The following CLDN20 variants were observed in gnomAD, a reference collection of about 807,000 sequenced individuals.
CLDN20 encodes the protein claudin-20.
For synonymous variants in CLDN20, 104 were observed against 103.6 expected (o/e 1.00, Z -0.03); for missense variants, 258 against 267.9 (o/e 0.96, Z 0.26).
At chr6:155,275,405 T>C (rs1230108450) in intron 1 of CLDN20, among the ~76,000 whole-genome samples, 1 of 152,162 alleles carries the variant, frequency 6.6e-6, no homozygotes, top group Non-Finnish European at 1.5e-5. Context: ...CTGCTTTCTT[T>C]ATGCCCTGTA....
chr6:155,270,169 G>A (rs773129930), intron 1 of CLDN20, among the ~76,000 whole-genome samples: 3 of 152,214 alleles, frequency 2.0e-5, no homozygotes, highest in Admixed American at 2.0e-4. Flanking sequence ...TGCCACTAAT[G>A]AACCTGGGAA....
chr6:155,265,035 A>G (rs1784562254), intron 1 of CLDN20, among the ~76,000 whole-genome samples: 1 of 152,232 alleles, frequency 6.6e-6, no homozygotes, highest in African/African-American at 2.4e-5. Flanking sequence ...GAGGGAAAAG[A>G]CCTTCCTAAA....
At position 155,276,357 on chromosome 6, in the gene CLDN20, A is replaced by G; in HGVS notation, c.638A>G (p.His213Arg). ...SNTQLENNST[H>R]NLKDYV ...ACACAGCTCGAGAACAATTCCACAC[A>G]CAATCTGAAGGATTATGTGTAAATA... Residue 213 changes from histidine to arginine, a missense_variant, in exon 2 of 2, where the codon CAC (histidine) becomes CGC (arginine). His to Arg is a conservative substitution (Grantham distance 29, BLOSUM62 0). Coordinates refer to ENST00000367165, the MANE Select transcript of CLDN20 (RefSeq NM_001001346.3). 6.2e-7 allele frequency: 1 copy of G among 1,613,166 alleles called. No individual in the cohort carries two copies.
chr6:155,268,955 A>G (rs1007356643), intron 1 of CLDN20, among the ~76,000 whole-genome samples: 4 of 136,062 alleles, frequency 2.9e-5, no homozygotes, highest in African/African-American at 1.1e-4. Flanking sequence ...TTAAAAAAAA[A>G]AAAAAGAAAA....
In CLDN20 at chr6:155,265,746, A is replaced by C. The variant is rs181371523; in HGVS notation, c.-105+1458A>C. 1.8e-3 allele frequency among the ~76,000 whole-genome samples: 265 copies of C among 145,844 alleles called. 2 individuals are homozygous for C. The highest frequency in any genetic ancestry group is 6.5e-3 in the African/African-American group (259 of 40,002). ...ATAATATAAATATATATTATATATA[A>C]TATATAATATATATTTAATATATAA... On this transcript the variant is annotated intron_variant, in intron 1 of 1. Coordinates refer to ENST00000367165, the MANE Select transcript of CLDN20 (RefSeq NM_001001346.3).
intron 1 of CLDN20, among the ~76,000 whole-genome samples, chr6:155,272,110 T>TG (rs1784945796): frequency 6.6e-6 from 1 of 152,176 alleles, no homozygotes; most frequent in Non-Finnish European, 1.5e-5. Flanking sequence ...GCCTCACGTA[T>TG]ATGGTTTTTC....
At chr6:155,268,506 CAGTT>C (rs1784765429) in intron 1 of CLDN20, among the ~76,000 whole-genome samples, 1 of 152,178 alleles carries the variant, frequency 6.6e-6, no homozygotes, top group Admixed American at 6.5e-5. Context: ...CCAAAATACT[CAGTT>C]AAATTACTGA....
chr6:155,275,931 T>G lies in CLDN20; in HGVS notation c.212T>G (p.Leu71Arg). Residue 71 changes from leucine (L) to arginine (R), a missense_variant, in exon 2 of 2, where the codon CTG becomes CGG. Coordinates refer to ENST00000367165, the MANE Select transcript of CLDN20 (RefSeq NM_001001346.3). Reference sequence around the variant, plus strand: ...AGCTGTGCCCTGAAACACTCCATTCTGTCCCTCCCCATCCACGTGCAGGCT... The same window carrying G: ...AGCTGTGCCCTGAAACACTCCATTCGGTCCCTCCCCATCCACGTGCAGGCT... ...MFSCALKHSI[L>R]SLPIHVQAAR... is the part of the protein sequence containing the mutation. 8 of 1,614,178 alleles carry G rather than the reference T, an allele frequency of 5.0e-6. No homozygotes were observed. The highest frequency in any genetic ancestry group is 6.8e-6 in the Non-Finnish European group (8 of 1,180,026).
At chr6:155,270,549 A>C (rs983706499) in intron 1 of CLDN20, among the ~76,000 whole-genome samples, 1 of 152,202 alleles carries the variant, frequency 6.6e-6, no homozygotes, top group African/African-American at 2.4e-5. Flanking sequence ...CAGGCAATTA[A>C]TATTTTATAG....
Position 155,275,827 on chromosome 6 carries a change from G to A in CLDN20, c.108G>A (p.Val36=). 6.2e-7 allele frequency: 1 copy of A among 1,613,980 alleles called. No individual in the cohort carries two copies. Among genetic ancestry groups the A allele is most frequent in the Non-Finnish European group, 8.5e-7 (1 of 1,179,910 alleles). The part of the protein sequence containing the change: ...LLPNWKVNVD[V]DSNIITAIVQ... ...CCAACTGGAAGGTGAATGTGGATGT[G>A]GACTCCAACATCATAACAGCCATTG... is the stretch of plus-strand genomic sequence containing the variant. Residue 36 remains valine (V), a synonymous_variant, in exon 2 of 2, where the codon GTG becomes GTA. Transcript: ENST00000367165.
intron 1 of CLDN20, among the ~76,000 whole-genome samples, chr6:155,275,119 G>A (rs1785116875): frequency 6.6e-6 from 1 of 151,920 alleles, no homozygotes; most frequent in Non-Finnish European, 1.5e-5. Flanking sequence ...CCAGCTACTC[G>A]GGAGGCTGAG....
At position 155,276,113 on chromosome 6, in the gene CLDN20, A is replaced by G. The variant is rs759011604; in HGVS notation, c.394A>G (p.Ser132Gly). The G allele has an allele frequency of 5.6e-6, 9 of 1,614,094 alleles. No individual in the cohort carries two copies. The South Asian group carries it at 9.9e-5, about 18-fold the overall frequency. The change falls in exon 2 of 2, where the codon AGT becomes GGT. Residue 132 changes from serine to glycine, a missense_variant. Transcript: ENST00000367165. ...CTGTTTCATGTCTGCAGGAATCTCT[A>G]GTTTAATCTCGACAGTGTGGTACAC... ...GVCFMSAGISSLISTVWYTKE... is the reference protein window; with the variant it reads ...GVCFMSAGISGLISTVWYTKE...
chr6:155,269,681 A>G (rs1337337409), intron 1 of CLDN20, among the ~76,000 whole-genome samples: 2 of 152,204 alleles, frequency 1.3e-5, no homozygotes, highest in Non-Finnish European at 2.9e-5. Flanking sequence ...ATTAAGTATT[A>G]TAGCACCTTA....
At chr6:155,273,900 A>G (rs1467580037) in intron 1 of CLDN20, among the ~76,000 whole-genome samples, 3 of 152,240 alleles carry the variant, frequency 2.0e-5, no homozygotes, top group Non-Finnish European at 4.4e-5. Flanking sequence ...AGGAAGGAAG[A>G]GAAAAAGGGA....
chr6:155,272,472 C>T (rs1784969907), intron 1 of CLDN20, among the ~76,000 whole-genome samples: 1 of 151,878 alleles, frequency 6.6e-6, no homozygotes, highest in African/African-American at 2.4e-5. Context: ...TAAGTGTTTA[C>T]ATGCGACCCC....
At position 155,275,973 on chromosome 6, in the gene CLDN20, T is replaced by A. The variant is rs1214413050; in HGVS notation, c.254T>A (p.Val85Asp). 3 of 1,614,164 alleles carry A rather than the reference T, an allele frequency of 1.9e-6. No homozygotes were observed. The highest frequency in any genetic ancestry group is 2.7e-5 in the African/African-American group (2 of 75,026). Residue 85 changes from valine to aspartate, a missense_variant, in exon 2 of 2, where the codon GTC (valine) becomes GAC (aspartate). Coordinates refer to ENST00000367165, the MANE Select transcript of CLDN20 (RefSeq NM_001001346.3). ...IHVQAARATM[V>D]LACVLSALGI... ...GTGCAGGCTGCGAGAGCCACCATGG[T>A]CCTGGCGTGTGTTCTGTCTGCTTTG...
At chr6:155,266,774 G>C (rs1784654743) in intron 1 of CLDN20, among the ~76,000 whole-genome samples, 1 of 146,114 alleles carries the variant, frequency 6.8e-6, no homozygotes. Context: ...GTGAGCCTGG[G>C]AGGCGGAGCT....
Position 155,276,541 on chromosome 6 carries a change from T to TACA in CLDN20, c.*164_*166dup, listed in dbSNP as rs1452265170. 1.3e-5 allele frequency: 8 copies of TACA among 630,164 alleles called. No individual in the cohort carries two copies. In the East Asian group the frequency reaches 2.2e-4, roughly 18 times the overall value. 39.0% of individuals were successfully genotyped at this position (630,164 alleles called of 1,614,324 possible). A position where few individuals can be genotyped will look rare whatever the true frequency, so the allele number is the denominator to read the frequency against. On this transcript the variant is annotated 3_prime_UTR_variant, in exon 2 of 2. Coordinates refer to ENST00000367165, the MANE Select transcript of CLDN20 (RefSeq NM_001001346.3). ...TTAAAATGCCAATAAAACTATCATA[T>TACA]ACAATTACATCTGTCTGAAGAGTTC...
intron 1 of CLDN20, among the ~76,000 whole-genome samples, chr6:155,268,478 G>A (rs1430419610): frequency 6.6e-6 from 1 of 152,248 alleles, no homozygotes; most frequent in Admixed American, 6.5e-5. Context: ...TCTATGAAAA[G>A]GTGTGGTATT....
Sources: allele counts gnomAD v4.1 joint callset (sites outside exome capture counted in the v4.1 genomes callset), GRCh38; gene constraint gnomAD v4.1.1; transcripts MANE v1.5; gene names NCBI Gene and HGNC (gene_info 2026-07-23, HGNC 2026-07-21).